Variants in SLC25A18 observed in about 807,000 individuals in gnomAD.
The protein encoded by SLC25A18 is mitochondrial glutamate carrier 2.
In SLC25A18, 24 loss-of-function variants were observed where a neutral mutation model predicts 31.1. The ratio of observed to expected loss-of-function variants is 0.77; its 90% CI spans 0.56 to 1.08. The LOEUF (loss-of-function observed/expected upper bound fraction) is 1.08. Among genes scored for constraint, SLC25A18 ranks in the 50% least tolerant of loss-of-function variants. SLC25A18 has a pLI of 0.00. For missense variants in SLC25A18, 371 were observed against 418.5 expected, an observed-to-expected ratio of 0.89 and a Z score of 0.99; for synonymous variants, 173 against 161.9, an observed-to-expected ratio of 1.07 and a Z score of -0.52.
In SLC25A18 at chr22:17,588,025, G is replaced by C; in HGVS notation, c.676G>C (p.Val226Leu). The change falls in exon 9 of 11, where the codon GTG becomes CTG. Residue 226 changes from valine to leucine, a missense_variant. Coordinates refer to ENST00000327451, the MANE Select transcript of SLC25A18 (RefSeq NM_031481.3). ...AGKASFAHSF[V>L]SGCVAGSIAA... Reference sequence around the variant, plus strand: ...TAAGGCGTCCTTTGCACATTCCTTCGTGTCAGGCTGTGTGGCAGGTTCCAT... The same window carrying C: ...TAAGGCGTCCTTTGCACATTCCTTCCTGTCAGGCTGTGTGGCAGGTTCCAT... 1.9e-6 allele frequency: 3 copies of C among 1,614,152 alleles called. No individual in the cohort carries two copies. Among genetic ancestry groups the C allele is most frequent in the Non-Finnish European group, 2.5e-6 (3 of 1,180,040 alleles).
chr22:17,572,864 A>G (rs535382696), intron 2 of SLC25A18, among the ~76,000 whole-genome samples: 24 of 151,578 alleles, frequency 1.6e-4, no homozygotes, highest in Middle Eastern at 3.4e-3. Flanking sequence ...GATGGTCTCA[A>G]TCTCCTGACC....
At chr22:17,573,266 T>A (rs2057145531) in intron 2 of SLC25A18, among the ~76,000 whole-genome samples, 1 of 152,188 alleles carries the variant, frequency 6.6e-6, no homozygotes, top group East Asian at 1.9e-4. Context: ...CACAGGTTAG[T>A]TCTGGTGGTG....
chr22:17,585,640 TATTATTATTA>T (rs1422565081), intron 7 of SLC25A18, among the ~76,000 whole-genome samples: 59 of 133,706 alleles, frequency 4.4e-4, no homozygotes, highest in Non-Finnish European at 6.4e-4. Context: ...ATTTTATTAT[TATTATTATTA>T]TTTTTTTTTT....
At chr22:17,566,208 C>A (rs1256539121) in intron 1 of SLC25A18, among the ~76,000 whole-genome samples, 3 of 152,158 alleles carry the variant, frequency 2.0e-5, no homozygotes, top group Non-Finnish European at 4.4e-5. Flanking sequence ...AAGCTCATGT[C>A]AGCTGCCAAA....
rs111658888 is a variant in SLC25A18, at chr22:17,570,753, T to A, written c.-201+767T>A. 9.2e-3 allele frequency among the ~76,000 whole-genome samples: 1,402 copies of A among 152,338 alleles called. 24 individuals carry two copies. The highest frequency in any genetic ancestry group is 0.032 in the African/African-American group (1,326 of 41,580). On this transcript the variant is annotated intron_variant, in intron 2 of 10. Coordinates refer to ENST00000327451, the MANE Select transcript of SLC25A18 (RefSeq NM_031481.3). ...TGCCCGCCTTGGCCTCCCAAAGTGCTAGGATTACAGGCGTGAGCCACCGTG... is the reference window on the plus strand; with the variant it reads ...TGCCCGCCTTGGCCTCCCAAAGTGCAAGGATTACAGGCGTGAGCCACCGTG...
intron 7 of SLC25A18, among the ~76,000 whole-genome samples, chr22:17,585,798 A>G (rs952929221): frequency 1.3e-5 from 2 of 151,572 alleles, no homozygotes; most frequent in African/African-American, 4.9e-5. Flanking sequence ...ACAAGCATGC[A>G]CTACCACGTC....
At chr22:17,575,992 G>T (rs2057219959) in intron 2 of SLC25A18, among the ~76,000 whole-genome samples, 1 of 151,930 alleles carries the variant, frequency 6.6e-6, no homozygotes, top group South Asian at 2.1e-4. Context: ...TCATTGTTCT[G>T]CATCCCAGCA....
rs695292 is a variant in SLC25A18, at chr22:17,564,857, C to CAAAAAAAA, written c.-264+1149_-264+1156dup. On this transcript the variant is annotated intron_variant, in intron 1 of 10. Transcript: ENST00000327451. ...GGGGGACAGAGCAAGACTCTGTCTC[C>CAAAAAAAA]AAAAAAAAAAAATCAGGCCCAGGCA... 4.5e-5 allele frequency among the ~76,000 whole-genome samples: 5 copies of CAAAAAAAA among 112,354 alleles called. 1 individual carries two copies. Among genetic ancestry groups the CAAAAAAAA allele is most frequent in the Admixed American group, 9.5e-5 (1 of 10,558 alleles). 73.7% of individuals were successfully genotyped at this position (112,354 alleles called of 152,430 possible).
intron 10 of SLC25A18, among the ~76,000 whole-genome samples, 154 bp from the exon 11 acceptor site, chr22:17,589,941 C>T (rs145699465): frequency 2.5e-3 from 376 of 152,304 alleles, no homozygotes; most frequent in Non-Finnish European, 4.0e-3. Flanking sequence ...ATGCACCTAG[C>T]GGGCGAGGCA....
At chr22:17,567,848 T>G (rs531091427) in intron 1 of SLC25A18, among the ~76,000 whole-genome samples, 1 of 151,536 alleles carries the variant, frequency 6.6e-6, no homozygotes, top group South Asian at 2.1e-4. Context: ...CACTTGAATA[T>G]AAATTTAATT....
chr22:17,579,808 C>T lies in SLC25A18; in HGVS notation c.-137C>T. 1 of 1,435,644 alleles carries T rather than the reference C, an allele frequency of 7.0e-7. No homozygotes were observed. Among genetic ancestry groups the T allele is most frequent in the Non-Finnish European group, 9.2e-7 (1 of 1,090,082 alleles). The allele number at this position is 1,435,644 out of a possible 1,614,324, so 88.9% of individuals were successfully genotyped here. A position where few individuals can be genotyped will look rare whatever the true frequency, so the allele number is the denominator to read the frequency against. On this transcript the variant is annotated 5_prime_UTR_variant, in exon 3 of 11. Coordinates refer to ENST00000327451, the MANE Select transcript of SLC25A18 (RefSeq NM_031481.3). ...GGAAGGTGGCTCGGGCCAGGCTGCA[C>T]TCAAAACCCGTGCTCTGTCCACACT...
intron 9 of SLC25A18, 57 bp from the exon 10 acceptor site, chr22:17,589,533 G>A: frequency 3.9e-6 from 6 of 1,529,540 alleles, no homozygotes; most frequent in Non-Finnish European, 9.0e-7. Flanking sequence ...TTAGTGTTGA[G>A]GGGAGGACAC....
intron 2 of SLC25A18, among the ~76,000 whole-genome samples, chr22:17,572,636 A>T (rs1163056582): frequency 1.3e-4 from 13 of 103,094 alleles, no homozygotes; most frequent in African/African-American, 4.6e-4. Flanking sequence ...TCTACAAATA[A>T]ATTTTTTTTT....
chr22:17,567,536 T>C (rs1043528691), intron 1 of SLC25A18, among the ~76,000 whole-genome samples: 2 of 151,346 alleles, frequency 1.3e-5, no homozygotes, highest in African/African-American at 4.9e-5. Context: ...TGCTGATTCT[T>C]CACCTCTCCC....
At chr22:17,584,473 A>AGAGAGAGAGAGAG (rs1569190772) in intron 7 of SLC25A18, among the ~76,000 whole-genome samples, 4 of 115,152 alleles carry the variant, frequency 3.5e-5, no homozygotes, top group African/African-American at 1.6e-4. Context: ...GAGAGAGAGA[A>AGAGAGAGAGAGAG]AGAAAGAAAG....
Position 17,575,240 on chromosome 22 carries a change from G to A in SLC25A18, c.-200-4505G>A, listed in dbSNP as rs545979265. On this transcript the variant is annotated intron_variant, in intron 2 of 10. Transcript: ENST00000327451. The stretch of plus-strand genomic sequence containing the variant: ...CCTTTCAGCACGCACTGTCTAAGCC[G>A]CTCAGTTGCCATTAAATGGAATGTG... Among the ~76,000 whole-genome samples the A allele has an allele frequency of 5.3e-5, 8 of 152,268 alleles. No individual in the cohort carries two copies. In the East Asian group the frequency reaches 5.8e-4, roughly 11 times the overall value.
intron 1 of SLC25A18, chr22:17,569,690 C>G: frequency 8.1e-6 from 8 of 985,466 alleles, no homozygotes; most frequent in Non-Finnish European, 9.6e-6. Context: ...CCGAGTCATA[C>G]TAGCCACCAA....
intron 6 of SLC25A18, among the ~76,000 whole-genome samples, chr22:17,582,976 G>A (rs1262482296): frequency 1.3e-5 from 2 of 152,192 alleles, no homozygotes; most frequent in African/African-American, 4.8e-5. Context: ...TTAGGAGGTT[G>A]AGGAAGGAGG....
At position 17,587,722 on chromosome 22, in the gene SLC25A18, AG is replaced by A. The variant is rs1429042249; in HGVS notation, c.576-202del. On this transcript the variant is annotated intron_variant, in intron 8 of 10. Coordinates refer to ENST00000327451, the MANE Select transcript of SLC25A18 (RefSeq NM_031481.3). The stretch of plus-strand genomic sequence containing the variant: ...GCAGGTGCTGCAGGGCAGAGGAAGG[AG>A]CTGGGACGGCGGAACAGATGGCAAC... 3.3e-5 allele frequency: 21 copies of A among 628,650 alleles called. No individual in the cohort carries two copies. The East Asian group carries it at 5.4e-4, about 16-fold the overall frequency. The allele number at this position is 628,650 out of a possible 1,614,324, so 38.9% of individuals were successfully genotyped here. A position where few individuals can be genotyped will look rare whatever the true frequency, so the allele number is the denominator to read the frequency against.
Sources: gnomAD v4.1 joint callset for allele counts (sites outside exome capture counted in the v4.1 genomes callset) on GRCh38, gnomAD v4.1.1 for gene constraint, MANE v1.5 for transcripts, NCBI Gene and HGNC (gene_info 2026-07-23, HGNC 2026-07-21) for gene names.